SLC15A5: variants seen among roughly 807,000 people sequenced by gnomAD.
SLC15A5 encodes the protein Peptide/histidine transporter ENSP00000340402.
SLC15A5 carries 58 observed loss-of-function variants against 56.1 expected under a neutral mutation model. The ratio of observed to expected loss-of-function variants is 1.03; its 90% confidence interval spans 0.84 to 1.29. The LOEUF is 1.29. Among genes scored for constraint, SLC15A5 ranks in the 50% most tolerant of loss-of-function variants. SLC15A5 has a pLI of 0.00. For synonymous variants in SLC15A5, 264 were observed against 250.5 expected (o/e 1.05, Z -0.51); for missense variants, 681 against 672.1 (o/e 1.01, Z -0.15).
intron 6 of SLC15A5, among the ~76,000 whole-genome samples, chr12:16,222,715 T>C (rs1166667418): frequency 6.6e-6 from 1 of 152,134 alleles, no homozygotes; most frequent in African/African-American, 2.4e-5. Context: ...TTTTTCACAG[T>C]CATTGGTTTT....
intron 3 of SLC15A5, among the ~76,000 whole-genome samples, chr12:16,252,105 TCAA>T (rs918949223): frequency 1.3e-5 from 2 of 151,924 alleles, no homozygotes; most frequent in Non-Finnish European, 2.9e-5. Context: ...TTGAGAAAAT[TCAA>T]CACCCTTTCA....
At chr12:16,199,848 G>A (rs1297620930) in intron 7 of SLC15A5, among the ~76,000 whole-genome samples, 1 of 152,088 alleles carries the variant, frequency 6.6e-6, no homozygotes, top group East Asian at 1.9e-4. Context: ...TTATAGGTGA[G>A]TATGAGTTCT....
chr12:16,236,062 A>C (rs1864349348), intron 5 of SLC15A5, among the ~76,000 whole-genome samples: 1 of 152,308 alleles, frequency 6.6e-6, no homozygotes, highest in Admixed American at 6.5e-5. Context: ...GATAATTGCT[A>C]CCTACTGTGT....
At position 16,217,029 on chromosome 12, in the gene SLC15A5, G is replaced by A; in HGVS notation, c.1352-5C>T. Reference sequence around the variant, plus strand: ...ATCTGTATGATATTACAGAGACTGAGAGAAAAAGAGAGGTCAGAATTTAGA... The same window carrying A: ...ATCTGTATGATATTACAGAGACTGAAAGAAAAAGAGAGGTCAGAATTTAGA... On this transcript the variant is annotated splice_region_variant and splice_polypyrimidine_tract_variant and intron_variant, in intron 6 of 8. Transcript: ENST00000344941. 1 of 1,528,128 alleles carries A rather than the reference G, an allele frequency of 6.5e-7. No individual in the cohort carries two copies. The highest frequency in any genetic ancestry group is 2.1e-5 in the Admixed American group (1 of 48,360). 94.7% of individuals were successfully genotyped at this position (1,528,128 alleles called of 1,614,324 possible).
At chr12:16,261,681 C>T (rs914827810) in intron 2 of SLC15A5, among the ~76,000 whole-genome samples, 1 of 152,134 alleles carries the variant, frequency 6.6e-6, no homozygotes, top group Non-Finnish European at 1.5e-5. Context: ...AACATTTTTA[C>T]ATTATCACAA....
At position 16,189,591 on chromosome 12, in the gene SLC15A5, A is replaced by G. The variant is rs1042475545; in HGVS notation, c.*77T>C. 39 of 1,288,978 alleles carry G rather than the reference A, an allele frequency of 3.0e-5. No individual in the cohort carries two copies. The highest frequency in any genetic ancestry group is 3.8e-5 in the Non-Finnish European group (38 of 1,000,434). The allele number at this position is 1,288,978 out of a possible 1,614,324, so 79.8% of individuals were successfully genotyped here. Reference sequence around the variant, plus strand: ...CTCTGTATATATTGGCTTTTACACTAAAACACATAAAATGCTCAACTGAAG... The same window carrying G: ...CTCTGTATATATTGGCTTTTACACTGAAACACATAAAATGCTCAACTGAAG... On this transcript the variant is annotated 3_prime_UTR_variant, in exon 9 of 9. Coordinates refer to ENST00000344941, the MANE Select transcript of SLC15A5 (RefSeq NM_001170798.1).
chr12:16,225,467 A>T (rs189534637), intron 5 of SLC15A5, among the ~76,000 whole-genome samples: 57 of 152,298 alleles, frequency 3.7e-4, no homozygotes, highest in Admixed American at 1.4e-3. Flanking sequence ...ATCTAATTAA[A>T]CTCAAGAGCT....
intron 2 of SLC15A5, 106 bp downstream of exon 2, chr12:16,272,455 G>T: frequency 9.8e-7 from 1 of 1,021,510 alleles, no homozygotes; most frequent in Non-Finnish European, 1.4e-6. Flanking sequence ...TCATCACTTA[G>T]CCCAATTCAT....
At chr12:16,200,788 T>A (rs1395245035) in intron 7 of SLC15A5, among the ~76,000 whole-genome samples, 2 of 152,130 alleles carry the variant, frequency 1.3e-5, no homozygotes, top group Non-Finnish European at 2.9e-5. Context: ...GGTTTTCATT[T>A]TTAAAGTCAG....
chr12:16,244,575 C>T lies in SLC15A5; in HGVS notation c.975+5G>A. 6.5e-7 allele frequency: 1 copy of T among 1,537,068 alleles called. No homozygotes were observed. On this transcript the variant is annotated splice_donor_5th_base_variant and intron_variant, in intron 4 of 8. Transcript: ENST00000344941. ...GTTGGGGTAGTACTCATCGCCTGTC[C>T]TTACCTGCATAATGCACATTCTGTA...
chr12:16,233,184 C>T (rs1864314770), intron 5 of SLC15A5, among the ~76,000 whole-genome samples: 1 of 151,932 alleles, frequency 6.6e-6, no homozygotes, highest in Non-Finnish European at 1.5e-5. Flanking sequence ...TTGATTGTTA[C>T]TTGTGCTATG....
intron 7 of SLC15A5, among the ~76,000 whole-genome samples, chr12:16,216,373 T>C (rs1311128356): frequency 6.6e-6 from 1 of 152,198 alleles, no homozygotes; most frequent in Non-Finnish European, 1.5e-5. Context: ...ACTTTAATAT[T>C]TCAAACAATA....
chr12:16,231,695 A>T (rs958681202), intron 5 of SLC15A5, among the ~76,000 whole-genome samples: 1 of 152,224 alleles, frequency 6.6e-6, no homozygotes, highest in Non-Finnish European at 1.5e-5. Flanking sequence ...GAGACTGGAG[A>T]TTACTTTTCA....
intron 7 of SLC15A5, among the ~76,000 whole-genome samples, chr12:16,206,041 C>T (rs115195048): frequency 1.7e-3 from 260 of 152,242 alleles, no homozygotes; most frequent in African/African-American, 6.0e-3. Context: ...ATCTGAGGCA[C>T]GCCTTCTACT....
chr12:16,190,837 T>C (rs1041861197), intron 8 of SLC15A5, among the ~76,000 whole-genome samples: 3 of 152,096 alleles, frequency 2.0e-5, no homozygotes, highest in Non-Finnish European at 4.4e-5. Context: ...TCTTACAGCA[T>C]AGACACAAAA....
At chr12:16,250,057 C>G (rs1864504577) in intron 3 of SLC15A5, among the ~76,000 whole-genome samples, 1 of 152,054 alleles carries the variant, frequency 6.6e-6, no homozygotes, top group African/African-American at 2.4e-5. Flanking sequence ...CAATGCTTCA[C>G]TGCCTCAGTA....
intron 5 of SLC15A5, among the ~76,000 whole-genome samples, chr12:16,231,901 A>G (rs1287782195): frequency 1.3e-5 from 2 of 152,244 alleles, no homozygotes; most frequent in South Asian, 2.1e-4. Context: ...GAATAACTCC[A>G]TTAAAAGATT....
chr12:16,190,969 A>G (rs906543111), intron 8 of SLC15A5, among the ~76,000 whole-genome samples: 1 of 152,102 alleles, frequency 6.6e-6, no homozygotes, highest in Admixed American at 6.6e-5. Flanking sequence ...CCCTCTCAAA[A>G]CACCTGAAAT....
chr12:16,210,453 T>C (rs1864068637), intron 7 of SLC15A5, among the ~76,000 whole-genome samples: 1 of 152,162 alleles, frequency 6.6e-6, no homozygotes, highest in African/African-American at 2.4e-5. Context: ...TACCAAAACA[T>C]CATATCTATA....
Sources: allele counts gnomAD v4.1 joint callset (sites outside exome capture counted in the v4.1 genomes callset), GRCh38; gene constraint gnomAD v4.1.1; transcripts MANE v1.5; gene names NCBI Gene and HGNC (gene_info 2026-07-23, HGNC 2026-07-21).